Variants in DLG2 observed in about 807,000 individuals in gnomAD.
The protein encoded by DLG2 is disks large homolog 2.
Under a neutral mutation model 132.5 loss-of-function variants are expected in DLG2, and 45 were observed. The observed-to-expected ratio is 0.34, with a 90% CI of 0.27 to 0.44. The LOEUF is 0.44. Ranked by LOEUF, DLG2 falls within the 20% of genes least tolerant of loss-of-function variation. The probability of loss-of-function intolerance (pLI) is 1.00; values close to 1 mark genes in which losing one functional copy is unlikely to be tolerated. For missense variants in DLG2, 1,045 were observed against 1,196.9 expected, an observed-to-expected ratio of 0.87 and a Z score of 1.87; for synonymous variants, 424 against 419.6, an observed-to-expected ratio of 1.01 and a Z score of -0.13.
chr11:84,482,260 G>C (rs1416056655), intron 7 of DLG2, among the ~76,000 whole-genome samples: 1 of 152,158 alleles, frequency 6.6e-6, no homozygotes, highest in Non-Finnish European at 1.5e-5. Flanking sequence ...CTTTAAAGCA[G>C]CTGCTTGCCA....
chr11:85,423,419 G>A (rs985048877), intron 3 of DLG2, among the ~76,000 whole-genome samples: 1 of 152,220 alleles, frequency 6.6e-6, no homozygotes, highest in Non-Finnish European at 1.5e-5. Context: ...CTGCCAGGAG[G>A]TTGAGCTTTC....
chr11:83,686,396 T>C lies in DLG2; in HGVS notation c.1826-53071A>G, dbSNP rs1030331475. Among the ~76,000 whole-genome samples the C allele has an allele frequency of 2.1e-5, 3 of 143,724 alleles. No homozygotes were observed. In the East Asian group the frequency reaches 5.8e-4, roughly 28 times the overall value. The allele number at this position is 143,724 out of a possible 152,430, so 94.3% of individuals were successfully genotyped here. ...CTCTGCTTAAACATTATATACTAAA[T>C]ATTGTATATTAAATGTATATATGAA... On this transcript the variant is annotated intron_variant, in intron 18 of 27. Coordinates refer to ENST00000376104, the MANE Select transcript of DLG2 (RefSeq NM_001142699.3).
chr11:84,569,258 A>G (rs1448970866), intron 6 of DLG2, among the ~76,000 whole-genome samples: 1 of 152,176 alleles, frequency 6.6e-6, no homozygotes, highest in Non-Finnish European at 1.5e-5. Context: ...AGCCCTGCCA[A>G]AGAACCCCTG....
chr11:85,550,247 G>A (rs1328049451), intron 3 of DLG2, among the ~76,000 whole-genome samples: 2 of 152,188 alleles, frequency 1.3e-5, no homozygotes, highest in African/African-American at 2.4e-5. Flanking sequence ...CAGCCACCTA[G>A]CATGAAAAGG....
intron 6 of DLG2, among the ~76,000 whole-genome samples, chr11:85,101,558 C>T (rs556297103): frequency 1.2e-4 from 19 of 152,162 alleles, no homozygotes; most frequent in African/African-American, 4.6e-4. Context: ...AATAAGTACT[C>T]TATTCTTCCA....
chr11:83,702,539 A>C (rs1017899145), intron 18 of DLG2, among the ~76,000 whole-genome samples: 2 of 152,186 alleles, frequency 1.3e-5, no homozygotes, highest in Non-Finnish European at 2.9e-5. Context: ...GGGAGAAAGA[A>C]ATGAGTCTGT....
At chr11:83,468,988 T>C (rs1448267003) in intron 25 of DLG2, among the ~76,000 whole-genome samples, 3 of 152,198 alleles carry the variant, frequency 2.0e-5, no homozygotes, top group African/African-American at 7.2e-5. Flanking sequence ...GCCCTCTTCC[T>C]ACTTTTTCCA....
chr11:83,835,823 G>C (rs368093259), intron 16 of DLG2, among the ~76,000 whole-genome samples: 1 of 152,136 alleles, frequency 6.6e-6, no homozygotes, highest in South Asian at 2.1e-4. Flanking sequence ...ATGTATTTAG[G>C]TTCCTGGCAG....
intron 6 of DLG2, among the ~76,000 whole-genome samples, chr11:84,830,165 T>G (rs1222811411): frequency 6.6e-6 from 1 of 151,646 alleles, no homozygotes; most frequent in Non-Finnish European, 1.5e-5. Context: ...CCCTTCATTT[T>G]AGAATTAAGG....
intron 4 of DLG2, among the ~76,000 whole-genome samples, chr11:85,272,863 G>T (rs984682362): frequency 6.6e-6 from 1 of 152,032 alleles, no homozygotes; most frequent in African/African-American, 2.4e-5. Flanking sequence ...ATGTTACAAG[G>T]CTACAGTAAC....
chr11:84,134,475 C>T (rs1258748624), intron 9 of DLG2, among the ~76,000 whole-genome samples: 2 of 152,016 alleles, frequency 1.3e-5, no homozygotes, highest in Non-Finnish European at 2.9e-5. Flanking sequence ...CTTGACAATG[C>T]TCAAAAGCAC....
At chr11:83,719,373 C>A (rs949287039) in intron 18 of DLG2, among the ~76,000 whole-genome samples, 4 of 152,190 alleles carry the variant, frequency 2.6e-5, no homozygotes, top group African/African-American at 9.7e-5. Context: ...AAGGAGATGT[C>A]TTAGTCCATC....
At chr11:85,194,220 T>C (rs1484577153) in intron 4 of DLG2, among the ~76,000 whole-genome samples, 2 of 152,186 alleles carry the variant, frequency 1.3e-5, no homozygotes, top group African/African-American at 4.8e-5. Context: ...GAACTGCTAG[T>C]GTCTGTGGTA....
At chr11:83,906,283 A>T (rs866290081) in intron 15 of DLG2, among the ~76,000 whole-genome samples, 12,982 of 132,580 alleles carry the variant, frequency 0.098, 1,358 homozygotes, top group South Asian at 0.14. Context: ...ACACACACAC[A>T]CACACACACA....
chr11:84,828,300 C>T (rs1484600946), intron 6 of DLG2, among the ~76,000 whole-genome samples: 1 of 151,660 alleles, frequency 6.6e-6, no homozygotes, highest in Non-Finnish European at 1.5e-5. Flanking sequence ...TTCTTAAAGC[C>T]AAAACAATTC....
intron 15 of DLG2, among the ~76,000 whole-genome samples, chr11:83,899,030 G>A (rs998531887): frequency 6.6e-6 from 1 of 152,148 alleles, no homozygotes; most frequent in African/African-American, 2.4e-5. Flanking sequence ...TCAGATGGCT[G>A]AATTTATACT....
rs528601234 is a variant in DLG2, at chr11:84,744,130, T to C, written c.358-209399A>G. 4.5e-4 allele frequency among the ~76,000 whole-genome samples: 69 copies of C among 152,324 alleles called. 3 individuals carry two copies. The highest frequency in any genetic ancestry group is 1.5e-3 in the African/African-American group (61 of 41,560). ...TCCAGGCTAAAAAGTTTAGGTTTTATTGTTTTGTCATTGTATATATAGAAG... is the reference window on the plus strand; with the variant it reads ...TCCAGGCTAAAAAGTTTAGGTTTTACTGTTTTGTCATTGTATATATAGAAG... On this transcript the variant is annotated intron_variant, in intron 6 of 27. Transcript: ENST00000376104.
intron 4 of DLG2, among the ~76,000 whole-genome samples, chr11:85,229,288 A>T (rs1247999346): frequency 2.6e-5 from 4 of 152,052 alleles, no homozygotes; most frequent in African/African-American, 9.7e-5. Flanking sequence ...ACTTAAACAA[A>T]TTTACAAGAA....
intron 8 of DLG2, among the ~76,000 whole-genome samples, chr11:84,243,529 T>A (rs1434458826): frequency 6.6e-6 from 1 of 152,130 alleles, no homozygotes; most frequent in East Asian, 1.9e-4. Context: ...AAAAAATAAG[T>A]TTCTTATTGA....
Sources: gnomAD v4.1 joint callset for allele counts (sites outside exome capture counted in the v4.1 genomes callset) on GRCh38, gnomAD v4.1.1 for gene constraint, MANE v1.5 for transcripts, NCBI Gene and HGNC (gene_info 2026-07-23, HGNC 2026-07-21) for gene names.